LNX2: variants seen among roughly 807,000 people sequenced by gnomAD.
The protein encoded by LNX2 is ligand of Numb protein X 2.
A neutral mutation model predicts 66.2 loss-of-function variants in LNX2; 35 were observed. The observed-to-expected ratio is 0.53, with a 90% confidence interval of 0.40 to 0.70. The LOEUF is 0.70. LNX2 is among the 30% of genes least tolerant of loss of function. The probability of loss-of-function intolerance (pLI) is 0.00; values close to 1 mark genes in which losing one functional copy is unlikely to be tolerated. For missense variants in LNX2, 791 were observed against 850.8 expected, an observed-to-expected ratio of 0.93 and a Z score of 0.87; for synonymous variants, 337 against 315.6, an observed-to-expected ratio of 1.07 and a Z score of -0.72.
intron 2 of LNX2, among the ~76,000 whole-genome samples, chr13:27,571,935 C>A (rs73163591): frequency 0.016 from 2,380 of 152,266 alleles, 35 homozygotes; most frequent in Middle Eastern, 0.031. Flanking sequence ...ACTCTGTTAT[C>A]CCCATTTAAA....
chr13:27,577,853 G>A (rs1955355901), intron 2 of LNX2, among the ~76,000 whole-genome samples: 3 of 152,206 alleles, frequency 2.0e-5, no homozygotes. Context: ...GTGGGTTGGA[G>A]ATGAGTGGTA....
chr13:27,575,593 T>C (rs1250522431), intron 2 of LNX2, among the ~76,000 whole-genome samples: 1 of 152,156 alleles, frequency 6.6e-6, no homozygotes, highest in Non-Finnish European at 1.5e-5. Flanking sequence ...CTGGCTCTCC[T>C]AGTTCTCAGA....
chr13:27,577,894 T>C (rs555054252), intron 2 of LNX2, among the ~76,000 whole-genome samples: 51 of 152,320 alleles, frequency 3.3e-4, no homozygotes, highest in East Asian at 1.7e-3. Context: ...ATAGCTGATG[T>C]TGCTTGGCAG....
At chr13:27,613,455 A>G (rs1219839938) in intron 1 of LNX2, among the ~76,000 whole-genome samples, 1 of 152,216 alleles carries the variant, frequency 6.6e-6, no homozygotes, top group East Asian at 1.9e-4. Flanking sequence ...GGAAACGACA[A>G]GATGCCAAAT....
At position 27,559,904 on chromosome 13, in the gene LNX2, G is replaced by C. The variant is rs143333912; in HGVS notation, c.1306C>G (p.His436Asp). 3.1e-6 allele frequency: 5 copies of C among 1,611,636 alleles called. No individual in the cohort carries two copies. Among genetic ancestry groups the C allele is most frequent in the African/African-American group, 2.7e-5 (2 of 74,744 alleles). Residue 436 changes from histidine (H) to aspartate (D), a missense_variant, in exon 6 of 10, where the codon CAT becomes GAT. By Grantham distance (81) the His-to-Asp change is moderately conservative. Coordinates refer to ENST00000316334, the MANE Select transcript of LNX2 (RefSeq NM_153371.4). ...PGNTIREAGN[H>D]SSSSQHHTPP... ...GTGTGGTGCTGGCTGCTGCTGCTAT[G>C]ATTTCCTGCTTCTCTAATGGTGTTA...
At chr13:27,593,694 T>C (rs1593258375) in intron 1 of LNX2, among the ~76,000 whole-genome samples, 2 of 150,340 alleles carry the variant, frequency 1.3e-5, no homozygotes, top group African/African-American at 4.9e-5. Flanking sequence ...CAGCCTCCTG[T>C]GTAGCTGGGA....
At chr13:27,575,645 T>G (rs931535019) in intron 2 of LNX2, among the ~76,000 whole-genome samples, 1 of 152,150 alleles carries the variant, frequency 6.6e-6, no homozygotes, top group Non-Finnish European at 1.5e-5. Flanking sequence ...CTGACTTCCC[T>G]GGGTTGCCAG....
At chr13:27,575,142 A>T (rs1439633061) in intron 2 of LNX2, among the ~76,000 whole-genome samples, 2 of 152,258 alleles carry the variant, frequency 1.3e-5, no homozygotes, top group African/African-American at 4.8e-5. Flanking sequence ...GCATCAGTAC[A>T]GTACTGAATT....
chr13:27,568,661 A>G (rs73446841), intron 3 of LNX2, among the ~76,000 whole-genome samples: 3,394 of 152,352 alleles, frequency 0.022, 136 homozygotes, highest in African/African-American at 0.077. Flanking sequence ...CTGACACAGA[A>G]TAGCATTTAA....
intron 2 of LNX2, among the ~76,000 whole-genome samples, chr13:27,580,236 T>C (rs1202879370): frequency 6.6e-6 from 1 of 152,102 alleles, no homozygotes; most frequent in Non-Finnish European, 1.5e-5. Context: ...ACAAGAACAG[T>C]AAAGCTTGAG....
chr13:27,599,081 T>C (rs1366742642), intron 1 of LNX2, among the ~76,000 whole-genome samples: 1 of 152,192 alleles, frequency 6.6e-6, no homozygotes, highest in Non-Finnish European at 1.5e-5. Context: ...AATTCAATAA[T>C]TATATGCTTC....
chr13:27,585,757 G>C (rs1403316650), intron 1 of LNX2, among the ~76,000 whole-genome samples: 4 of 151,646 alleles, frequency 2.6e-5, no homozygotes, highest in Non-Finnish European at 5.9e-5. Context: ...CCCTCTTTGT[G>C]ATAGTGTTTA....
intron 4 of LNX2, among the ~76,000 whole-genome samples, chr13:27,567,047 A>T (rs554561332): frequency 6.6e-6 from 1 of 152,198 alleles, no homozygotes; most frequent in South Asian, 2.1e-4. Flanking sequence ...TCTGAAAGGG[A>T]AAACAGTAAG....
At chr13:27,552,534 C>T (rs746382912) in intron 8 of LNX2, among the ~76,000 whole-genome samples, 22 of 152,160 alleles carry the variant, frequency 1.4e-4, no homozygotes, top group Non-Finnish European at 2.4e-4. Context: ...AGAATCTAAA[C>T]GGATTAGACA....
rs1182464004 is a variant in LNX2 at position 27,553,543 on chromosome 13, TGATGA to T, written c.1547-109_1547-105del. The T allele has an allele frequency of 5.4e-6, 4 of 738,598 alleles. No homozygotes were observed. The East Asian group carries it at 7.7e-5, about 14-fold the overall frequency. The allele number at this position is 738,598 out of a possible 1,614,324, so 45.8% of individuals were successfully genotyped here. On this transcript the variant is annotated intron_variant, in intron 7 of 9. Transcript: ENST00000316334. ...CAACAAAAGTTAGTTCCCCCAACTC[TGATGA>T]GATAAGGTATAATAATAAATGGCAT...
intron 1 of LNX2, among the ~76,000 whole-genome samples, chr13:27,586,862 A>C (rs747112038): frequency 1.3e-5 from 2 of 152,194 alleles, no homozygotes; most frequent in Non-Finnish European, 2.9e-5. Flanking sequence ...CATTTAAAAT[A>C]ATATCTTGAA....
intron 1 of LNX2, among the ~76,000 whole-genome samples, chr13:27,590,294 G>A (rs1955533306): frequency 6.6e-6 from 1 of 151,964 alleles, no homozygotes; most frequent in Non-Finnish European, 1.5e-5. Flanking sequence ...GAATGCAGTG[G>A]TGCAATCTCG....
Position 27,593,655 on chromosome 13 carries a change from C to T in LNX2, c.-100-11852G>A, listed in dbSNP as rs558977163. The stretch of plus-strand genomic sequence containing the variant: ...CAATCCTGGCTCACTGCAACCTCCG[C>T]CTCCTGGGTTCAAGCGATTCTCCTG... On this transcript the variant is annotated intron_variant, in intron 1 of 9. Transcript: ENST00000316334. Among the ~76,000 whole-genome samples, 27 of 150,560 alleles carry T rather than the reference C, an allele frequency of 1.8e-4. No homozygotes were observed. In the East Asian group the frequency reaches 4.7e-3, roughly 26 times the overall value.
intron 1 of LNX2, among the ~76,000 whole-genome samples, chr13:27,611,526 T>C (rs1955772914): frequency 1.3e-5 from 2 of 152,244 alleles, no homozygotes; most frequent in Admixed American, 6.5e-5. Context: ...TGTTGCACTG[T>C]AATGTGAATA....
Sources: allele counts gnomAD v4.1 joint callset (sites outside exome capture counted in the v4.1 genomes callset), GRCh38; gene constraint gnomAD v4.1.1; transcripts MANE v1.5; gene names NCBI Gene and HGNC (gene_info 2026-07-23, HGNC 2026-07-21).